Variants in PCNX1 observed in about 807,000 individuals in gnomAD.
The protein encoded by PCNX1 is pecanex-like protein 1.
Under a neutral mutation model 242.2 loss-of-function variants are expected in PCNX1, and 78 were observed. The observed-to-expected ratio is 0.32, with a 90% CI of 0.27 to 0.39. The LOEUF (loss-of-function observed/expected upper bound fraction) is 0.39, where lower values mean the gene tolerates loss of function less well. Among genes scored for constraint, PCNX1 ranks in the 10% least tolerant of loss-of-function variants. The pLI is 1.00. For missense variants in PCNX1, 2,581 were observed against 2,856.5 expected, an observed-to-expected ratio of 0.90 and a Z score of 2.20; for synonymous variants, 1,024 against 1,032.9, an observed-to-expected ratio of 0.99 and a Z score of 0.17.
chr14:71,039,524 T>C (rs577467282), intron 19 of PCNX1, among the ~76,000 whole-genome samples: 11 of 152,332 alleles, frequency 7.2e-5, no homozygotes, highest in Admixed American at 5.2e-4. Context: ...AGCTGTACTC[T>C]TTTATAACCT....
intron 15 of PCNX1, among the ~76,000 whole-genome samples, chr14:71,028,046 A>G (rs952098357): frequency 7.9e-5 from 12 of 151,848 alleles, no homozygotes; most frequent in Admixed American, 7.9e-4. Context: ...AAAATCTGTT[A>G]CCCATGTTTT....
chr14:70,955,270 G>A (rs1330100830), intron 2 of PCNX1, among the ~76,000 whole-genome samples: 2 of 152,122 alleles, frequency 1.3e-5, no homozygotes, highest in Non-Finnish European at 2.9e-5. Context: ...TGTAAACTAC[G>A]GATCAATTTA....
At chr14:71,022,206 T>G (rs573131723) in intron 12 of PCNX1, among the ~76,000 whole-genome samples, 5 of 152,308 alleles carry the variant, frequency 3.3e-5, no homozygotes, top group African/African-American at 1.2e-4. Flanking sequence ...ATATTAAAAT[T>G]ACTGGTTGTC....
chr14:71,014,444 A>G (rs1338859074), intron 11 of PCNX1, among the ~76,000 whole-genome samples: 1 of 152,230 alleles, frequency 6.6e-6, no homozygotes, highest in African/African-American at 2.4e-5. Flanking sequence ...TAGCTTAAAT[A>G]GATACTAGAA....
chr14:70,960,594 T>G (rs1468229046), intron 2 of PCNX1, among the ~76,000 whole-genome samples: 1 of 152,018 alleles, frequency 6.6e-6, no homozygotes, highest in Non-Finnish European at 1.5e-5. Context: ...GCATTCCCTT[T>G]GAAAACTGGC....
chr14:70,927,764 A>G (rs952747290), intron 1 of PCNX1, among the ~76,000 whole-genome samples: 1 of 151,706 alleles, frequency 6.6e-6, no homozygotes, highest in African/African-American at 2.4e-5. Context: ...TAATTTTTAT[A>G]TTTTTAGTAG....
chr14:71,027,650 A>G (rs1244195591), intron 15 of PCNX1, among the ~76,000 whole-genome samples: 1 of 151,952 alleles, frequency 6.6e-6, no homozygotes, highest in African/African-American at 2.4e-5. Flanking sequence ...TTTTCCAAGC[A>G]TATGCATTGA....
At chr14:71,021,455 T>C (rs2060098996) in intron 12 of PCNX1, among the ~76,000 whole-genome samples, 1 of 152,174 alleles carries the variant, frequency 6.6e-6, no homozygotes, top group Admixed American at 6.5e-5. Flanking sequence ...TTTGTAGTTC[T>C]CCTTGAAGAG....
chr14:70,987,783 G>T (rs2059043127), intron 6 of PCNX1, among the ~76,000 whole-genome samples: 1 of 152,034 alleles, frequency 6.6e-6, no homozygotes. Context: ...TTGTATGCTT[G>T]GCTTTAGTAC....
In PCNX1 at chr14:71,101,989, G is replaced by T; in HGVS notation, c.5590-1G>T. On this transcript the variant is annotated splice_acceptor_variant, in intron 30 of 35. Transcript: ENST00000304743. LOFTEE classifies it high-confidence loss of function. ...AATTTATATATTATTTTTGTATTTA[G>T]GATCATTTTACTTCTCCAGATGAAT... The T allele has an allele frequency of 3.3e-6, 5 of 1,498,214 alleles. No individual in the cohort carries two copies. Among genetic ancestry groups the T allele is most frequent in the Non-Finnish European group, 3.6e-6 (4 of 1,100,362 alleles). The allele number at this position is 1,498,214 out of a possible 1,614,324, so 92.8% of individuals were successfully genotyped here.
At chr14:70,928,825 C>T (rs182115263) in intron 1 of PCNX1, among the ~76,000 whole-genome samples, 22 of 152,268 alleles carry the variant, frequency 1.4e-4, no homozygotes, top group African/African-American at 5.1e-4. Flanking sequence ...GCATACATAC[C>T]TCTACCTTTC....
chr14:71,088,467 G>T (rs2062048334), intron 29 of PCNX1, 37 bp downstream of exon 29: 1 of 1,236,152 alleles, frequency 8.1e-7, no homozygotes, highest in Non-Finnish European at 1.2e-6. Flanking sequence ...AAGAGAGCAT[G>T]GGAAGCTGTA....
chr14:71,050,957 T>C (rs762241475), intron 23 of PCNX1, among the ~76,000 whole-genome samples, 197 bp downstream of exon 23: 3 of 151,830 alleles, frequency 2.0e-5, no homozygotes, highest in Non-Finnish European at 4.4e-5. Flanking sequence ...TCACCTGAGA[T>C]TGGGAGTTTG....
At chr14:71,009,115 T>C (rs1242906416) in intron 8 of PCNX1, among the ~76,000 whole-genome samples, 1 of 152,228 alleles carries the variant, frequency 6.6e-6, no homozygotes, top group East Asian at 1.9e-4. Flanking sequence ...CATTAAATAA[T>C]ATAATTTAAT....
chr14:71,039,077 T>A lies in PCNX1; in HGVS notation c.3867+2920T>A, dbSNP rs562653219. 9.1e-3 allele frequency among the ~76,000 whole-genome samples: 1,358 copies of A among 149,658 alleles called. 10 individuals carry two copies. The highest frequency in any genetic ancestry group is 0.012 in the Non-Finnish European group (841 of 67,558). ...TCACACTCTGGGGACTGTTGTGGGATGGGGGTAGTGGGGAGGGATAGCATT... is the reference window on the plus strand; with the variant it reads ...TCACACTCTGGGGACTGTTGTGGGAAGGGGGTAGTGGGGAGGGATAGCATT... On this transcript the variant is annotated intron_variant, in intron 19 of 35. Coordinates refer to ENST00000304743, the MANE Select transcript of PCNX1 (RefSeq NM_014982.3).
chr14:70,930,778 T>G (rs963581757), intron 1 of PCNX1, among the ~76,000 whole-genome samples: 11 of 150,720 alleles, frequency 7.3e-5, no homozygotes, highest in Non-Finnish European at 1.0e-4. Context: ...AATATTATGT[T>G]TTTTTTTTTC....
At position 71,026,297 on chromosome 14, in the gene PCNX1, T is replaced by C. The variant is rs1657296409; in HGVS notation, c.3355+9T>C. ...CAGGGATTTAGTTATAGGTGAGTCATCTTAAAGTATCTCTAATCTTAAAAT... is the reference window on the plus strand; with the variant it reads ...CAGGGATTTAGTTATAGGTGAGTCACCTTAAAGTATCTCTAATCTTAAAAT... On this transcript the variant is annotated intron_variant, in intron 14 of 35. Coordinates refer to ENST00000304743, the MANE Select transcript of PCNX1 (RefSeq NM_014982.3). The C allele has an allele frequency of 6.7e-7, 1 of 1,499,292 alleles. No homozygotes were observed. The highest frequency in any genetic ancestry group is 1.9e-5 in the Admixed American group (1 of 51,924). The allele number at this position is 1,499,292 out of a possible 1,614,324, so 92.9% of individuals were successfully genotyped here.
chr14:70,949,319 AC>A (rs2057671162), intron 2 of PCNX1, among the ~76,000 whole-genome samples: 1 of 147,266 alleles, frequency 6.8e-6, no homozygotes, highest in Non-Finnish European at 1.5e-5. Context: ...GTGTAGATAC[AC>A]ACGTGTATAC....
chr14:70,944,165 C>T (rs762102128), intron 1 of PCNX1, among the ~76,000 whole-genome samples: 5 of 152,110 alleles, frequency 3.3e-5, no homozygotes, highest in Non-Finnish European at 5.9e-5. Flanking sequence ...GTCGTCCAGT[C>T]CACAGAATGG....
Sources: gnomAD v4.1 joint callset for allele counts (sites outside exome capture counted in the v4.1 genomes callset) on GRCh38, gnomAD v4.1.1 for gene constraint, MANE v1.5 for transcripts, NCBI Gene and HGNC (gene_info 2026-07-23, HGNC 2026-07-21) for gene names.